GET1: variants seen among roughly 807,000 people sequenced by gnomAD.
GET1 encodes guided entry of tail-anchored proteins factor 1.
In GET1, 20 loss-of-function variants were observed where a neutral mutation model predicts 22.6. The ratio of observed to expected loss-of-function variants is 0.89; its 90% CI spans 0.62 to 1.29. GET1 has a LOEUF of 1.29. Ranked by LOEUF, GET1 falls within the 50% of genes most tolerant of loss-of-function variation. The probability of loss-of-function intolerance (pLI) is 0.00; values close to 1 mark genes in which losing one functional copy is unlikely to be tolerated. For missense variants in GET1, 209 were observed against 219.9 expected (o/e 0.95, Z 0.31); for synonymous variants, 92 against 83.8 (o/e 1.10, Z -0.53).
intron 1 of GET1, among the ~76,000 whole-genome samples, chr21:39,381,345 C>A (rs573105784): frequency 5.3e-5 from 8 of 152,258 alleles, no homozygotes; most frequent in African/African-American, 1.7e-4. Context: ...AAAGATTGGG[C>A]GCATTCGTTT....
chr21:39,419,846 A>C (rs971983094), intron 1 of GET1, among the ~76,000 whole-genome samples: 2 of 152,214 alleles, frequency 1.3e-5, no homozygotes, highest in African/African-American at 4.8e-5. Flanking sequence ...ACATTTTACC[A>C]ATCTTGAAGG....
intron 4 of GET1, among the ~76,000 whole-genome samples, chr21:39,403,748 T>A (rs2038906151): frequency 1.3e-5 from 2 of 149,418 alleles, no homozygotes; most frequent in South Asian, 2.1e-4. Flanking sequence ...CAGCCTCCTG[T>A]GTAGCTGGGA....
At position 39,380,498 on chromosome 21, in the gene GET1, C is replaced by A; in HGVS notation, c.102+12C>A. ...CCTTCTCATCCTTCGTAAGTGGCTGCCTGGCCTCCCAAGGGCCGGTGGGGA... is the reference window on the plus strand; with the variant it reads ...CCTTCTCATCCTTCGTAAGTGGCTGACTGGCCTCCCAAGGGCCGGTGGGGA... On this transcript the variant is annotated intron_variant, in intron 1 of 4. Transcript: ENST00000649170. The A allele has an allele frequency of 6.2e-7, 1 of 1,605,962 alleles. No individual in the cohort carries two copies. Among genetic ancestry groups the A allele is most frequent in the East Asian group, 2.2e-5 (1 of 44,668 alleles).
In GET1 at chr21:39,424,695, C is replaced by CTAT. The variant is rs151106119; in HGVS notation, c.*24-3536_*24-3535insATT. On this transcript the variant is annotated intron_variant, in intron 1 of 1. Transcript: ENST00000478273. ...GTCATCAAATTGCATAAGAGTCTAT[C>CTAT]TGTTTATACAGATACCGATTTTCCA... Among the ~76,000 whole-genome samples, 339 of 152,272 alleles carry CTAT rather than the reference C, an allele frequency of 2.2e-3. 4 individuals are homozygous for CTAT. The highest frequency in any genetic ancestry group is 7.7e-3 in the African/African-American group (321 of 41,538).
chr21:39,409,804 G>C (rs2147156284), downstream of GET1, among the ~76,000 whole-genome samples: 1 of 152,266 alleles, frequency 6.6e-6, no homozygotes, highest in South Asian at 2.1e-4. The surrounding 1 kb of genome is among the most constrained non-coding windows in gnomAD (Gnocchi z 4.2). Flanking sequence ...ATGTTGGCCA[G>C]GCTGGTCTCA....
Position 39,393,301 on chromosome 21 carries a change from G to A in GET1, c.451+21G>A, listed in dbSNP as rs767656568. 3.8e-6 allele frequency: 6 copies of A among 1,584,954 alleles called. No individual in the cohort carries two copies. In the South Asian group the frequency reaches 5.5e-5, roughly 15 times the overall value. ...AGCAGGTAAGAATTTTCTGGAAGATGCAGTGGAAGAGTGTGAATAGGCTTA... is the reference window on the plus strand; with the variant it reads ...AGCAGGTAAGAATTTTCTGGAAGATACAGTGGAAGAGTGTGAATAGGCTTA... On this transcript the variant is annotated intron_variant, in intron 4 of 4. Coordinates refer to ENST00000649170, the MANE Select transcript of GET1 (RefSeq NM_004627.6).
At chr21:39,405,373 T>C (rs74441755) in intron 4 of GET1, among the ~76,000 whole-genome samples, 6,618 of 151,988 alleles carry the variant, frequency 0.044, 449 homozygotes, top group African/African-American at 0.15. Context: ...CTTATAATTT[T>C]TGTAGAGACG....
At chr21:39,401,637 C>G (rs1318549055), downstream of GET1, among the ~76,000 whole-genome samples, 4 of 152,136 alleles carry the variant, frequency 2.6e-5, no homozygotes, top group African/African-American at 9.7e-5. Flanking sequence ...TTGCGCTTCA[C>G]TTTACTGTGC....
At chr21:39,403,400 C>T (rs1417213715) in intron 4 of GET1, among the ~76,000 whole-genome samples, 1 of 152,076 alleles carries the variant, frequency 6.6e-6, no homozygotes, top group Admixed American at 6.6e-5. Flanking sequence ...GATCTCGGCT[C>T]ACTGCAAGCT....
intron 1 of GET1, among the ~76,000 whole-genome samples, chr21:39,381,807 G>A (rs1304590729): frequency 6.6e-6 from 1 of 152,008 alleles, no homozygotes; most frequent in East Asian, 1.9e-4. Flanking sequence ...GTGTAATCTC[G>A]ACTCATTGCA....
At chr21:39,418,704 T>C (rs998630854) in intron 1 of GET1, among the ~76,000 whole-genome samples, 1 of 152,042 alleles carries the variant, frequency 6.6e-6, no homozygotes, top group African/African-American at 2.4e-5. Context: ...TTTGCCATGT[T>C]GGTCAGGCTG....
chr21:39,387,224 C>G (rs1001242066), intron 1 of GET1, among the ~76,000 whole-genome samples: 2 of 152,138 alleles, frequency 1.3e-5, no homozygotes, highest in Non-Finnish European at 1.5e-5. Context: ...TTTTTGTTAA[C>G]CTTACAAAGC....
At chr21:39,404,862 G>A (rs1239678200) in intron 4 of GET1, among the ~76,000 whole-genome samples, 10 of 138,736 alleles carry the variant, frequency 7.2e-5, no homozygotes, top group East Asian at 2.1e-4. Flanking sequence ...ATGGAGTCTC[G>A]CTCTGTCACC....
intron 1 of GET1, chr21:39,428,040 G>A: frequency 1.6e-6 from 1 of 611,036 alleles, no homozygotes; most frequent in Non-Finnish European, 2.9e-6. Context: ...TTCTATAAAA[G>A]TTCACCTATA....
chr21:39,397,646 C>G lies in GET1; in HGVS notation c.*707C>G, dbSNP rs1002338662. 2.0e-5 allele frequency: 3 copies of G among 150,682 alleles called. No individual in the cohort carries two copies. Among genetic ancestry groups the G allele is most frequent in the African/African-American group, 7.3e-5 (3 of 40,982 alleles). 9.3% of individuals were successfully genotyped at this position (150,682 alleles called of 1,614,324 possible). A position where few individuals can be genotyped will look rare whatever the true frequency, so the allele number is the denominator to read the frequency against. ...TTTATAAGCATTTAATATTTATGCT[C>G]TTTAGAATGGAACACAGAAAACAAA... On this transcript the variant is annotated 3_prime_UTR_variant, in exon 5 of 5. Transcript: ENST00000649170.
intron 1 of GET1, chr21:39,420,676 C>A: frequency 6.3e-7 from 1 of 1,584,524 alleles, no homozygotes; most frequent in South Asian, 1.1e-5. Flanking sequence ...AACAGGATTT[C>A]ATTCTTACAT....
downstream of GET1, chr21:39,411,108 C>T (rs2040021894): frequency 6.0e-6 from 2 of 333,704 alleles, no homozygotes; most frequent in African/African-American, 2.2e-5. Flanking sequence ...ACAAAAGCAG[C>T]CAGATACAAA....
intron 1 of GET1, 184 bp downstream of exon 1, chr21:39,380,670 A>G (rs930486461): frequency 3.5e-6 from 5 of 1,414,390 alleles, no homozygotes. Context: ...CCCCAAAATC[A>G]GACTTTCTGG....
At chr21:39,417,610 G>A (rs2041450091) in intron 1 of GET1, among the ~76,000 whole-genome samples, 2 of 152,098 alleles carry the variant, frequency 1.3e-5, no homozygotes, top group African/African-American at 2.4e-5. Flanking sequence ...AATTTATAAG[G>A]GACAGAGGTT....
Sources: allele counts gnomAD v4.1 joint callset (sites outside exome capture counted in the v4.1 genomes callset), GRCh38; gene constraint gnomAD v4.1.1; non-coding constraint Gnocchi (gnomAD v3.1); transcripts MANE v1.5; gene names NCBI Gene and HGNC (gene_info 2026-07-23, HGNC 2026-07-21).